The following PRKD1 variants were observed in gnomAD, a reference collection of about 807,000 sequenced individuals.
PRKD1 encodes the protein protein kinase D1.
A neutral mutation model predicts 95.9 loss-of-function variants in PRKD1; 63 were observed. The ratio of observed to expected loss-of-function variants is 0.66; its 90% CI spans 0.54 to 0.81. The LOEUF is 0.81. Ranked by LOEUF, PRKD1 falls within the 30% of genes least tolerant of loss-of-function variation. PRKD1 has a pLI of 0.00. For synonymous variants in PRKD1, 425 were observed against 423.1 expected, an observed-to-expected ratio of 1.00 and a Z score of -0.05; for missense variants, 1,048 against 1,165.3, an observed-to-expected ratio of 0.90 and a Z score of 1.47.
At chr14:29,737,328 CAAAAAAAAAAAAAAAA>C (rs796557046) in intron 1 of PRKD1, among the ~76,000 whole-genome samples, 201 of 37,948 alleles carry the variant, frequency 5.3e-3, no homozygotes, top group African/African-American at 0.017. Flanking sequence ...GACTCCGTCT[CAAAAAAAAAAAAAAAA>C]AAAAAAAAAA....
chr14:29,841,744 A>T (rs1466931558), intron 1 of PRKD1, among the ~76,000 whole-genome samples: 1 of 151,642 alleles, frequency 6.6e-6, no homozygotes. Flanking sequence ...TTATTTTTAA[A>T]TTTTTTCTTT....
At chr14:29,693,007 T>C (rs1455154297) in intron 2 of PRKD1, among the ~76,000 whole-genome samples, 1 of 152,154 alleles carries the variant, frequency 6.6e-6, no homozygotes, top group Non-Finnish European at 1.5e-5. Context: ...TCCTAAACGA[T>C]TGCTCAGTAA....
intron 1 of PRKD1, among the ~76,000 whole-genome samples, chr14:29,802,297 C>T (rs1170392983): frequency 1.3e-5 from 2 of 152,034 alleles, no homozygotes; most frequent in Non-Finnish European, 2.9e-5. Context: ...AACCATAATA[C>T]AAATAGATTA....
At chr14:29,639,793 A>C (rs999947947) in intron 4 of PRKD1, among the ~76,000 whole-genome samples, 2 of 152,158 alleles carry the variant, frequency 1.3e-5, no homozygotes, top group African/African-American at 4.8e-5. Context: ...ATATACTATA[A>C]GAGGAATATA....
intron 1 of PRKD1, among the ~76,000 whole-genome samples, chr14:29,739,691 T>C (rs1594474231): frequency 6.6e-6 from 1 of 152,190 alleles, no homozygotes; most frequent in Admixed American, 6.5e-5. Flanking sequence ...GGAATAAAGC[T>C]AGACTATAAA....
At chr14:29,845,152 G>C (rs1314706469) in intron 1 of PRKD1, among the ~76,000 whole-genome samples, 1 of 152,028 alleles carries the variant, frequency 6.6e-6, no homozygotes, top group Non-Finnish European at 1.5e-5. Flanking sequence ...CTACAATGCT[G>C]GATAATATTT....
chr14:29,844,082 A>G (rs1049117517), intron 1 of PRKD1, among the ~76,000 whole-genome samples: 3 of 152,224 alleles, frequency 2.0e-5, no homozygotes, highest in Non-Finnish European at 4.4e-5. Flanking sequence ...AGGGCCTGGG[A>G]TAACTGTGTG....
intron 1 of PRKD1, among the ~76,000 whole-genome samples, chr14:29,819,391 A>C (rs1408778375): frequency 6.6e-6 from 1 of 152,214 alleles, no homozygotes; most frequent in African/African-American, 2.4e-5. Context: ...AGAGCACATA[A>C]ATAATAAAGC....
At chr14:29,752,764 T>G (rs114536389) in intron 1 of PRKD1, among the ~76,000 whole-genome samples, 2,418 of 152,132 alleles carry the variant, frequency 0.016, 63 homozygotes, top group African/African-American at 0.051. Context: ...TTGTGTGCAA[T>G]CATCAAAGAG....
At chr14:29,727,388 T>A (rs1886211722) in intron 1 of PRKD1, among the ~76,000 whole-genome samples, 1 of 145,612 alleles carries the variant, frequency 6.9e-6, no homozygotes, top group African/African-American at 2.5e-5. Flanking sequence ...GTGCAGAAGC[T>A]CTTTAGTTAA....
chr14:29,808,639 A>G (rs1890350624), intron 1 of PRKD1, among the ~76,000 whole-genome samples: 1 of 151,726 alleles, frequency 6.6e-6, no homozygotes, highest in South Asian at 2.1e-4. Flanking sequence ...ACCTCAGGCA[A>G]TCTGCCCATC....
Position 29,729,899 on chromosome 14 carries a change from T to C in PRKD1, c.265-4225A>G, listed in dbSNP as rs186637672. Among the ~76,000 whole-genome samples the C allele has an allele frequency of 2.7e-4, 41 of 152,056 alleles. 1 individual carries two copies. The highest frequency in any genetic ancestry group is 9.4e-4 in the African/African-American group (39 of 41,526). On this transcript the variant is annotated intron_variant, in intron 1 of 17. Transcript: ENST00000331968. The stretch of plus-strand genomic sequence containing the variant: ...TATATAAAAACAAACTCAAAACAGA[T>C]TACAGACATAAAGATAAGACCTAAA...
At chr14:29,682,694 T>A (rs569239265) in intron 2 of PRKD1, among the ~76,000 whole-genome samples, 31 of 152,122 alleles carry the variant, frequency 2.0e-4, no homozygotes, top group South Asian at 4.2e-4. Context: ...TAATAGAAGA[T>A]AAAAAAATGT....
At chr14:29,750,432 A>C (rs1887422249) in intron 1 of PRKD1, among the ~76,000 whole-genome samples, 1 of 152,182 alleles carries the variant, frequency 6.6e-6, no homozygotes, top group African/African-American at 2.4e-5. Flanking sequence ...AATACTAAAC[A>C]TTGAATTAAA....
At chr14:29,873,943 T>G (rs1566648601) in intron 1 of PRKD1, among the ~76,000 whole-genome samples, 1 of 152,200 alleles carries the variant, frequency 6.6e-6, no homozygotes, top group Non-Finnish European at 1.5e-5. Flanking sequence ...CTATAAACAC[T>G]ATATAAAATG....
chr14:29,779,106 C>T (rs1888911887), intron 1 of PRKD1, among the ~76,000 whole-genome samples: 1 of 152,156 alleles, frequency 6.6e-6, no homozygotes, highest in South Asian at 2.1e-4. Flanking sequence ...GCTAAAAACT[C>T]TCAATAAATT....
chr14:29,581,669 A>T (rs1469665097), intron 16 of PRKD1, among the ~76,000 whole-genome samples: 1 of 152,190 alleles, frequency 6.6e-6, no homozygotes, highest in East Asian at 1.9e-4. Flanking sequence ...TACAGTCATG[A>T]TAATTACATT....
At chr14:29,606,094 C>T (rs1256857032) in intron 13 of PRKD1, among the ~76,000 whole-genome samples, 2 of 152,118 alleles carry the variant, frequency 1.3e-5, no homozygotes, top group African/African-American at 4.8e-5. Context: ...TTCACTACAG[C>T]CTCCCCCTCT....
At chr14:29,901,518 C>G (rs1407651183) in intron 1 of PRKD1, among the ~76,000 whole-genome samples, 7 of 152,114 alleles carry the variant, frequency 4.6e-5, no homozygotes, top group Non-Finnish European at 1.0e-4. Context: ...AATAGTACAA[C>G]AGCAACAACA....
Sources: allele counts gnomAD v4.1 joint callset (sites outside exome capture counted in the v4.1 genomes callset), GRCh38; gene constraint gnomAD v4.1.1; transcripts MANE v1.5; gene names NCBI Gene and HGNC (gene_info 2026-07-23, HGNC 2026-07-21).